NMNAT2: variants seen among roughly 807,000 people sequenced by gnomAD.
NMNAT2 encodes the protein nicotinamide/nicotinic acid mononucleotide adenylyltransferase 2.
NMNAT2 carries 11 observed loss-of-function variants against 41.6 expected under a neutral mutation model. That is an observed-to-expected ratio of 0.26 (90% CI 0.17 to 0.44). NMNAT2 has a LOEUF of 0.44. Ranked by LOEUF, NMNAT2 falls within the 20% of genes least tolerant of loss-of-function variation. NMNAT2 has a pLI of 1.00. For missense variants in NMNAT2, 288 were observed against 407.7 expected (o/e 0.71, Z 2.53); for synonymous variants, 148 against 151.2 (o/e 0.98, Z 0.16).
At chr1:183,299,394 A>T (rs902415828) in intron 1 of NMNAT2, among the ~76,000 whole-genome samples, 3 of 152,112 alleles carry the variant, frequency 2.0e-5, no homozygotes, top group Non-Finnish European at 2.9e-5. Flanking sequence ...ATAAAAAAAT[A>T]AAAAAAGGAA....
chr1:183,349,964 A>G (rs1390074574), intron 1 of NMNAT2, among the ~76,000 whole-genome samples: 1 of 152,136 alleles, frequency 6.6e-6, no homozygotes, highest in Non-Finnish European at 1.5e-5. Flanking sequence ...TTGGACTGGC[A>G]GAATATAGTC....
chr1:183,392,441 T>C (rs188865611), intron 1 of NMNAT2, among the ~76,000 whole-genome samples: 21 of 152,378 alleles, frequency 1.4e-4, no homozygotes, highest in Non-Finnish European at 2.6e-4. Flanking sequence ...GTTCCCCTGT[T>C]GCTATTCTCA....
chr1:183,291,195 G>A (rs1335022933), intron 3 of NMNAT2, among the ~76,000 whole-genome samples: 1 of 152,168 alleles, frequency 6.6e-6, no homozygotes, highest in African/African-American at 2.4e-5. Context: ...GGGATTACAA[G>A]CATGAGCCCC....
intron 1 of NMNAT2, among the ~76,000 whole-genome samples, chr1:183,359,141 A>G (rs973358172): frequency 1.3e-5 from 2 of 151,654 alleles, no homozygotes; most frequent in Non-Finnish European, 1.5e-5. Flanking sequence ...GAGATAGTTG[A>G]TTTTATGTAA....
intron 1 of NMNAT2, among the ~76,000 whole-genome samples, chr1:183,369,477 C>T (rs1663485965): frequency 6.6e-6 from 1 of 151,892 alleles, no homozygotes; most frequent in Admixed American, 6.6e-5. Context: ...CAGGGTTTCA[C>T]CATGTTAGCC....
At chr1:183,388,362 C>T (rs957546076) in intron 1 of NMNAT2, among the ~76,000 whole-genome samples, 27 of 152,202 alleles carry the variant, frequency 1.8e-4, no homozygotes, top group African/African-American at 6.5e-4. Flanking sequence ...CCTTCTAGGG[C>T]TTTCTTCTCA....
chr1:183,260,065 G>A (rs1482039007), intron 10 of NMNAT2, among the ~76,000 whole-genome samples: 2 of 152,134 alleles, frequency 1.3e-5, no homozygotes, highest in East Asian at 3.9e-4. Flanking sequence ...TCCTTCTTTG[G>A]GTTAGTAATA....
intron 1 of NMNAT2, among the ~76,000 whole-genome samples, chr1:183,318,858 AT>A (rs1213108807): frequency 6.6e-6 from 1 of 152,240 alleles, no homozygotes; most frequent in Non-Finnish European, 1.5e-5. Context: ...CCAGCTATGG[AT>A]TTTTAACATC....
chr1:183,416,630 AG>A (rs1257146602), intron 1 of NMNAT2, among the ~76,000 whole-genome samples: 1 of 152,212 alleles, frequency 6.6e-6, no homozygotes, highest in Non-Finnish European at 1.5e-5. Context: ...TGAAAGCTGA[AG>A]GAATGGTGAA....
chr1:183,383,804 T>C (rs960501229), intron 1 of NMNAT2, among the ~76,000 whole-genome samples: 1 of 152,350 alleles, frequency 6.6e-6, no homozygotes. Flanking sequence ...ACTGTATCAC[T>C]ATCAGTATTT....
chr1:183,271,920 T>C (rs1398671248), intron 8 of NMNAT2, among the ~76,000 whole-genome samples: 1 of 152,046 alleles, frequency 6.6e-6, no homozygotes, highest in Non-Finnish European at 1.5e-5. Flanking sequence ...GCCTAGGTAA[T>C]TTTTGTATTT....
intron 1 of NMNAT2, among the ~76,000 whole-genome samples, chr1:183,325,281 T>C (rs687392): frequency 0.71 from 108,514 of 152,194 alleles, 38,818 homozygotes; most frequent in East Asian, 0.89. Flanking sequence ...GCAATCTTCC[T>C]TGCACATTTC....
At chr1:183,343,232 A>C (rs1345403345) in intron 1 of NMNAT2, among the ~76,000 whole-genome samples, 1 of 152,168 alleles carries the variant, frequency 6.6e-6, no homozygotes, top group Admixed American at 6.5e-5. Flanking sequence ...GAATTTCTCA[A>C]ATAGATATCC....
intron 1 of NMNAT2, among the ~76,000 whole-genome samples, chr1:183,398,050 A>G (rs555392926): frequency 6.6e-6 from 1 of 152,348 alleles, no homozygotes; most frequent in Non-Finnish European, 1.5e-5. Flanking sequence ...GATCAAATTC[A>G]CACATAACAA....
At chr1:183,264,701 C>T (rs75846356) in intron 8 of NMNAT2, among the ~76,000 whole-genome samples, 1,751 of 152,132 alleles carry the variant, frequency 0.012, 22 homozygotes, top group African/African-American at 0.028. Flanking sequence ...TGTGTGGGTT[C>T]GGGAAGGGAA....
At chr1:183,314,992 A>G (rs1235044350) in intron 1 of NMNAT2, among the ~76,000 whole-genome samples, 1 of 152,238 alleles carries the variant, frequency 6.6e-6, no homozygotes, top group African/African-American at 2.4e-5. Flanking sequence ...TGGGGGAAAA[A>G]GTCGTACACT....
At chr1:183,307,307 C>CTTT (rs35308886) in intron 1 of NMNAT2, among the ~76,000 whole-genome samples, 1 of 138,352 alleles carries the variant, frequency 7.2e-6, no homozygotes, top group Non-Finnish European at 1.6e-5. Context: ...ACAAAGGGTT[C>CTTT]TTTTTTTTTT....
intron 7 of NMNAT2, among the ~76,000 whole-genome samples, chr1:183,279,469 G>T (rs1244957175): frequency 6.6e-6 from 1 of 152,168 alleles, no homozygotes; most frequent in Admixed American, 6.5e-5. Context: ...GAGGCTGTTG[G>T]GCATCTTGTC....
chr1:183,413,431 C>T (rs1649169346), intron 1 of NMNAT2, among the ~76,000 whole-genome samples: 1 of 152,042 alleles, frequency 6.6e-6, no homozygotes, highest in African/African-American at 2.4e-5. Flanking sequence ...CTGGAGAGCA[C>T]GGTGGTGGCT....
Sources: allele counts gnomAD v4.1 joint callset (sites outside exome capture counted in the v4.1 genomes callset), GRCh38; gene constraint gnomAD v4.1.1; transcripts MANE v1.5; gene names NCBI Gene and HGNC (gene_info 2026-07-23, HGNC 2026-07-21).